The following SH3BP4 variants were observed in gnomAD, a reference collection of about 807,000 sequenced individuals.
The protein encoded by SH3BP4 is SH3 domain binding protein 4.
In SH3BP4, 33 loss-of-function variants were observed where a neutral mutation model predicts 65.5. That is an observed-to-expected ratio of 0.50 (90% confidence interval 0.38 to 0.67). The LOEUF (loss-of-function observed/expected upper bound fraction) is 0.67, where lower values mean the gene tolerates loss of function less well. Among genes scored for constraint, SH3BP4 ranks in the 30% least tolerant of loss-of-function variants. The pLI is 0.00. For synonymous variants in SH3BP4, 552 were observed against 545.5 expected, an observed-to-expected ratio of 1.01 and a Z score of -0.17; for missense variants, 1,134 against 1,261.4, an observed-to-expected ratio of 0.90 and a Z score of 1.53.
intron 2 of SH3BP4, among the ~76,000 whole-genome samples, chr2:235,014,242 G>A (rs1694615476): frequency 6.6e-6 from 1 of 152,192 alleles, no homozygotes; most frequent in Admixed American, 6.5e-5. Flanking sequence ...ATCGGGCGAT[G>A]CCGGATACTT....
At chr2:234,971,624 C>T (rs1317130911) in intron 1 of SH3BP4, among the ~76,000 whole-genome samples, 1 of 152,182 alleles carries the variant, frequency 6.6e-6, no homozygotes, top group Non-Finnish European at 1.5e-5. Flanking sequence ...TACAAGGGTT[C>T]CGGTTCCTTC....
intron 2 of SH3BP4, among the ~76,000 whole-genome samples, chr2:234,998,628 G>C (rs932626086): frequency 6.6e-5 from 10 of 152,180 alleles, no homozygotes; most frequent in African/African-American, 2.4e-4. Context: ...GTACATTCTT[G>C]GTCCTGTGTC....
At chr2:235,004,701 C>CA (rs1278042455) in intron 2 of SH3BP4, among the ~76,000 whole-genome samples, 11 of 152,244 alleles carry the variant, frequency 7.2e-5, no homozygotes, top group Non-Finnish European at 1.0e-4. Context: ...CAGCATGTGT[C>CA]AAAATCCCAT....
chr2:235,029,660 A>G (rs1003541724), intron 2 of SH3BP4, among the ~76,000 whole-genome samples: 3 of 152,262 alleles, frequency 2.0e-5, no homozygotes, highest in African/African-American at 7.2e-5. Flanking sequence ...ATACAAGTAC[A>G]TAATTTTAGG....
At position 235,034,768 on chromosome 2, in the gene SH3BP4, T is replaced by G. The variant is rs7578395; in HGVS notation, c.-132-103T>G. 57 of 521,272 alleles carry G rather than the reference T, an allele frequency of 1.1e-4. No individual in the cohort carries two copies. The highest frequency in any genetic ancestry group is 9.4e-4 in the African/African-American group (49 of 52,356). The allele number at this position is 521,272 out of a possible 1,614,324, so 32.3% of individuals were successfully genotyped here. A position where few individuals can be genotyped will look rare whatever the true frequency, so the allele number is the denominator to read the frequency against. On this transcript the variant is annotated intron_variant, in intron 2 of 5. Transcript: ENST00000392011. This position sits in a 1 kb window ranked among gnomAD's most constrained non-coding sequence, Gnocchi z 6.2. The stretch of plus-strand genomic sequence containing the variant: ...AAAGATGAAATGGGTCTGTCCTCAT[T>G]AGAACAGCCTGGAAGAAAGAGGATT...
Position 234,988,280 on chromosome 2 carries a change from T to C in SH3BP4, c.-206-7023T>C, listed in dbSNP as rs374849280. On this transcript the variant is annotated intron_variant, in intron 1 of 5. Transcript: ENST00000392011. ...TTCACCGTGTTAGCCAGGATAGTCT[T>C]GATCTCCTGACCTCATGATCTGCCC... 6.4e-3 allele frequency among the ~76,000 whole-genome samples: 974 copies of C among 152,190 alleles called. 4 individuals carry two copies. The highest frequency in any genetic ancestry group is 9.9e-3 in the Non-Finnish European group (674 of 68,000).
At chr2:234,989,740 T>C (rs1693692126) in intron 1 of SH3BP4, among the ~76,000 whole-genome samples, 1 of 152,154 alleles carries the variant, frequency 6.6e-6, no homozygotes, top group South Asian at 2.1e-4. Context: ...CGTCGTGAAA[T>C]ATTACTCTTT....
intron 2 of SH3BP4, among the ~76,000 whole-genome samples, chr2:235,002,539 A>G (rs1273639819): frequency 6.6e-6 from 1 of 152,208 alleles, no homozygotes; most frequent in East Asian, 1.9e-4. Context: ...CAGCCTGGGC[A>G]ACATAGCAAA....
intron 2 of SH3BP4, among the ~76,000 whole-genome samples, chr2:235,028,949 G>A (rs1281872498): frequency 7.2e-5 from 11 of 152,258 alleles, no homozygotes; most frequent in Admixed American, 7.2e-4. Flanking sequence ...GGCTGATGAT[G>A]TTGGGCTTCT....
chr2:234,964,478 G>C (rs1692789526), intron 1 of SH3BP4, among the ~76,000 whole-genome samples: 1 of 152,156 alleles, frequency 6.6e-6, no homozygotes, highest in Admixed American at 6.5e-5. Context: ...CTGCCCAGCA[G>C]GGGAGAAGGG....
At chr2:235,044,185 T>C (rs1374986652) in intron 4 of SH3BP4, among the ~76,000 whole-genome samples, 1 of 152,322 alleles carries the variant, frequency 6.6e-6, no homozygotes, top group East Asian at 1.9e-4. Flanking sequence ...CACTTCCCCC[T>C]CTGTGTTGGT....
intron 1 of SH3BP4, among the ~76,000 whole-genome samples, chr2:234,986,042 C>A (rs111505624): frequency 7.1e-4 from 106 of 148,680 alleles, no homozygotes; most frequent in African/African-American, 2.6e-3. Context: ...GTGTACCAGC[C>A]CTTGATATAC....
intron 1 of SH3BP4, among the ~76,000 whole-genome samples, chr2:234,988,219 C>G (rs1183371015): frequency 1.3e-5 from 2 of 152,142 alleles, no homozygotes; most frequent in African/African-American, 4.8e-5. Flanking sequence ...ACCACCACGC[C>G]TGGCTAATTT....
chr2:235,047,587 C>T (rs559024032), intron 4 of SH3BP4, among the ~76,000 whole-genome samples: 63 of 152,332 alleles, frequency 4.1e-4, no homozygotes, highest in Middle Eastern at 3.4e-3. Context: ...TGTCAGCACT[C>T]GGCACATGGT....
chr2:235,044,591 C>T (rs1162535186), intron 4 of SH3BP4, among the ~76,000 whole-genome samples: 6 of 152,234 alleles, frequency 3.9e-5, no homozygotes, highest in South Asian at 2.1e-4. Flanking sequence ...CCTCTGAGCC[C>T]GCAGGCTTTC....
chr2:235,019,234 C>T (rs1349749122), intron 2 of SH3BP4, among the ~76,000 whole-genome samples: 1 of 151,966 alleles, frequency 6.6e-6, no homozygotes, highest in African/African-American at 2.4e-5. Flanking sequence ...CCAGGGAGCC[C>T]AGGAGGGCGC....
intron 4 of SH3BP4, among the ~76,000 whole-genome samples, chr2:235,050,839 G>A (rs572928655): frequency 2.0e-5 from 3 of 152,220 alleles, no homozygotes; most frequent in South Asian, 2.1e-4. Context: ...TGTGGTTGGC[G>A]GGGGTGGGGG....
At chr2:235,015,449 C>T (rs895572097) in intron 2 of SH3BP4, among the ~76,000 whole-genome samples, 2 of 152,194 alleles carry the variant, frequency 1.3e-5, no homozygotes, top group Non-Finnish European at 2.9e-5. Context: ...TCCCTATGGT[C>T]GATGGGGACA....
intron 2 of SH3BP4, among the ~76,000 whole-genome samples, chr2:235,008,025 G>A (rs577007386): frequency 1.3e-5 from 2 of 152,188 alleles, no homozygotes; most frequent in Non-Finnish European, 2.9e-5. Flanking sequence ...GTGGGAAAGG[G>A]AGAGTCGCAG....
Sources: allele counts gnomAD v4.1 joint callset (sites outside exome capture counted in the v4.1 genomes callset), GRCh38; gene constraint gnomAD v4.1.1; non-coding constraint Gnocchi (gnomAD v3.1); transcripts MANE v1.5; gene names NCBI Gene and HGNC (gene_info 2026-07-23, HGNC 2026-07-21).